Variants in JMJD1C observed in about 807,000 individuals in gnomAD.
The protein encoded by JMJD1C is jumonji domain containing 1C.
Under a neutral mutation model 245.3 loss-of-function variants are expected in JMJD1C, and 31 were observed. The observed-to-expected ratio is 0.13, with a 90% CI of 0.09 to 0.17. The LOEUF (loss-of-function observed/expected upper bound fraction) is 0.17, where lower values mean the gene tolerates loss of function less well. JMJD1C is among the 10% of genes least tolerant of loss of function. JMJD1C has a pLI of 1.00. For synonymous variants in JMJD1C, 1,057 were observed against 1,017.4 expected (o/e 1.04, Z -0.74); for missense variants, 2,691 against 3,000.2 (o/e 0.90, Z 2.41).
chr10:63,461,490 A>C (rs914026034), intron 1 of JMJD1C, among the ~76,000 whole-genome samples: 5 of 152,188 alleles, frequency 3.3e-5, no homozygotes, highest in African/African-American at 1.2e-4. Context: ...CCCAAAAACA[A>C]AAAGGGGTTT....
In JMJD1C at chr10:63,445,409, T is replaced by C. The variant is rs574172890; in HGVS notation, c.168+20086A>G. 7.2e-4 allele frequency among the ~76,000 whole-genome samples: 109 copies of C among 152,188 alleles called. 1 individual carries two copies. Among genetic ancestry groups the C allele is most frequent in the South Asian group, 1.9e-3 (9 of 4,830 alleles). ...TTACCAGAAAGAAGTGATGGAGTCA[T>C]GTGGGTATCTTTGGGGAAAAAATTC... On this transcript the variant is annotated intron_variant, in intron 1 of 25. Transcript: ENST00000399262.
intron 1 of JMJD1C, among the ~76,000 whole-genome samples, chr10:63,393,021 C>T (rs1161675634): frequency 2.6e-5 from 4 of 151,894 alleles, no homozygotes; most frequent in Admixed American, 2.6e-4. Flanking sequence ...AATCCAAGCA[C>T]TTCCAGAGGC....
chr10:63,300,632 C>T (rs1467358859), intron 2 of JMJD1C, among the ~76,000 whole-genome samples: 2 of 151,608 alleles, frequency 1.3e-5, no homozygotes, highest in African/African-American at 4.8e-5. Flanking sequence ...TGGCTCACTT[C>T]TGAAATCCCA....
intron 17 of JMJD1C, 49 bp from the exon 18 acceptor site, chr10:63,189,495 A>T: frequency 6.6e-7 from 1 of 1,504,342 alleles, no homozygotes. Context: ...GAGAGAAATC[A>T]AATACATTTT....
chr10:63,335,080 C>CA (rs953220039), intron 2 of JMJD1C, among the ~76,000 whole-genome samples: 136 of 137,802 alleles, frequency 9.9e-4, no homozygotes, highest in Non-Finnish European at 6.4e-4. Context: ...CAGTCCTTCA[C>CA]AAAAAAGAAC....
intron 2 of JMJD1C, among the ~76,000 whole-genome samples, chr10:63,277,731 CTTTTTTTTT>C (rs35442695): frequency 3.1e-5 from 2 of 64,274 alleles, no homozygotes; most frequent in African/African-American, 1.4e-4. Context: ...ATTTGCATTT[CTTTTTTTTT>C]TTTTTTTTTT....
chr10:63,352,042 C>T (rs571784162), intron 2 of JMJD1C, among the ~76,000 whole-genome samples: 2 of 151,766 alleles, frequency 1.3e-5, no homozygotes, highest in East Asian at 3.9e-4. Flanking sequence ...TAAGGAGGGG[C>T]GAGAATAAAA....
chr10:63,178,128 G>A (rs890213911), intron 22 of JMJD1C, among the ~76,000 whole-genome samples: 4 of 152,050 alleles, frequency 2.6e-5, no homozygotes, highest in Non-Finnish European at 5.9e-5. Flanking sequence ...TTTAGTAGCC[G>A]TGGGGTTTCA....
chr10:63,434,645 A>G (rs958687293), intron 1 of JMJD1C, among the ~76,000 whole-genome samples: 3 of 152,142 alleles, frequency 2.0e-5, no homozygotes, highest in African/African-American at 4.8e-5. Context: ...TGGGAGGCCA[A>G]GGCGGGAAGG....
intron 24 of JMJD1C, 43 bp downstream of exon 24, chr10:63,176,250 GTTCT>G (rs922140639): frequency 3.5e-6 from 5 of 1,422,818 alleles, no homozygotes; most frequent in Non-Finnish European, 2.8e-6. Context: ...TTCAAAACTA[GTTCT>G]TTCAGTCAGT....
At chr10:63,440,013 A>G (rs1951276196) in intron 1 of JMJD1C, among the ~76,000 whole-genome samples, 1 of 152,216 alleles carries the variant, frequency 6.6e-6, no homozygotes, top group South Asian at 2.1e-4. Context: ...CAGTGTAAAG[A>G]CACTGAGAAA....
chr10:63,214,803 T>A lies in JMJD1C; in HGVS notation c.1364A>T (p.Gln455Leu). ...ATGAATAATCATATCTTCTTGAAGC[T>A]GAGTGTCAACAGACTTCCGCTTCTC... ...EAEKRKSVDT[Q>L]LQEDMIIHSS... Residue 455 changes from glutamine to leucine, a missense_variant, in exon 8 of 26, where the codon CAG (glutamine) becomes CTG (leucine). Gln to Leu is a moderately radical substitution (Grantham distance 113). Around this residue, in one of 9 missense-constraint regions of JMJD1C, gnomAD observed 1,562 missense variants for 1,490.7 expected, o/e 1.05. Transcript: ENST00000399262. The A allele has an allele frequency of 4.3e-6, 7 of 1,613,724 alleles. No individual in the cohort carries two copies. The highest frequency in any genetic ancestry group is 5.9e-6 in the Non-Finnish European group (7 of 1,179,754).
At chr10:63,268,609 A>G (rs1322532007) in intron 2 of JMJD1C, 2 of 728,794 alleles carry the variant, frequency 2.7e-6, no homozygotes, top group Admixed American at 1.3e-4. Context: ...GAGAAGAAAA[A>G]CCAAATGTAA....
At chr10:63,393,050 T>C (rs1948204782) in intron 1 of JMJD1C, among the ~76,000 whole-genome samples, 2 of 152,230 alleles carry the variant, frequency 1.3e-5, no homozygotes, top group East Asian at 3.9e-4. Context: ...GGAGATCACC[T>C]GCGCCCAGGA....
intron 1 of JMJD1C, among the ~76,000 whole-genome samples, chr10:63,426,970 CGATT>C (rs1950477901): frequency 1.3e-5 from 2 of 152,230 alleles, no homozygotes; most frequent in East Asian, 1.9e-4. Flanking sequence ...CCCTTTGCTT[CGATT>C]ATTTCCTTAA....
intron 2 of JMJD1C, among the ~76,000 whole-genome samples, chr10:63,305,563 G>T (rs1938044415): frequency 7.0e-6 from 1 of 142,266 alleles, no homozygotes; most frequent in African/African-American, 2.6e-5. Context: ...GACTTCCCAG[G>T]CTCAAGAGAT....
chr10:63,449,136 A>G (rs550521028), intron 1 of JMJD1C, among the ~76,000 whole-genome samples: 8 of 152,254 alleles, frequency 5.3e-5, no homozygotes, highest in Non-Finnish European at 1.2e-4. Context: ...ATAAAATAAA[A>G]TAAAATAAAA....
intron 2 of JMJD1C, among the ~76,000 whole-genome samples, chr10:63,269,425 G>A (rs1314789367): frequency 1.3e-5 from 2 of 152,156 alleles, no homozygotes; most frequent in Non-Finnish European, 2.9e-5. Context: ...GAAAGCTCAA[G>A]TTTACTGTCT....
chr10:63,406,169 T>C (rs372035463), intron 1 of JMJD1C, among the ~76,000 whole-genome samples: 87 of 152,192 alleles, frequency 5.7e-4, no homozygotes, highest in African/African-American at 1.9e-3. Flanking sequence ...CTAAGGAGAA[T>C]TGAATAAAAA....
Sources: gnomAD v4.1 joint callset for allele counts (sites outside exome capture counted in the v4.1 genomes callset) on GRCh38, gnomAD v4.1.1 for gene constraint, gnomAD v4.1.1 regional missense constraint, MANE v1.5 for transcripts, NCBI Gene and HGNC (gene_info 2026-07-23, HGNC 2026-07-21) for gene names.